Variants in ASAP1 observed in about 807,000 individuals in gnomAD.
The protein encoded by ASAP1 is ArfGAP with SH3 domain, ankyrin repeat and PH domain 1.
Under a neutral mutation model 145.2 loss-of-function variants are expected in ASAP1, and 43 were observed. That is an observed-to-expected ratio of 0.30 (90% CI 0.23 to 0.38). The LOEUF (loss-of-function observed/expected upper bound fraction) is 0.38, where lower values mean the gene tolerates loss of function less well. ASAP1 is among the 10% of genes least tolerant of loss of function. The probability of loss-of-function intolerance (pLI) is 1.00; values close to 1 mark genes in which losing one functional copy is unlikely to be tolerated. For missense variants in ASAP1, 1,018 were observed against 1,355.3 expected (o/e 0.75, Z 3.91); for synonymous variants, 546 against 515.5 (o/e 1.06, Z -0.80).
chr8:130,074,699 T>C (rs145295041), intron 27 of ASAP1, among the ~76,000 whole-genome samples: 7 of 152,210 alleles, frequency 4.6e-5, no homozygotes, highest in Non-Finnish European at 8.8e-5. Context: ...CAGGTGGTAG[T>C]AGGGGTGGAC....
chr8:130,160,240 T>G (rs558072982), intron 11 of ASAP1, among the ~76,000 whole-genome samples: 2 of 152,096 alleles, frequency 1.3e-5, no homozygotes, highest in Non-Finnish European at 2.9e-5. Context: ...ACAAGCACAA[T>G]GCACTGGTAG....
chr8:130,154,391 G>A (rs1174145785), intron 12 of ASAP1, among the ~76,000 whole-genome samples: 2 of 152,172 alleles, frequency 1.3e-5, no homozygotes, highest in Non-Finnish European at 2.9e-5. Context: ...TGAAGCTCCA[G>A]GCACAGACGA....
chr8:130,059,771 GA>G (rs1214850816), intron 28 of ASAP1, among the ~76,000 whole-genome samples: 3 of 152,072 alleles, frequency 2.0e-5, no homozygotes, highest in Non-Finnish European at 4.4e-5. Context: ...GATGCAGCGA[GA>G]AAGTCTGACT....
chr8:130,323,680 CT>C (rs1824151899), intron 3 of ASAP1, among the ~76,000 whole-genome samples: 1 of 152,164 alleles, frequency 6.6e-6, no homozygotes, highest in Non-Finnish European at 1.5e-5. Flanking sequence ...TCCCATAGTC[CT>C]TTGCAGACAT....
At chr8:130,152,433 T>A (rs1002690754) in intron 13 of ASAP1, among the ~76,000 whole-genome samples, 1 of 152,260 alleles carries the variant, frequency 6.6e-6, no homozygotes, top group Non-Finnish European at 1.5e-5. Flanking sequence ...CAGCCTGTCA[T>A]CTCTATAATT....
chr8:130,394,690 T>G (rs910464662), intron 2 of ASAP1, among the ~76,000 whole-genome samples: 3 of 152,162 alleles, frequency 2.0e-5, no homozygotes, highest in African/African-American at 7.2e-5. Context: ...ACATGTGATG[T>G]CTCCCCAGGA....
chr8:130,386,496 A>C (rs1332905755), intron 2 of ASAP1, among the ~76,000 whole-genome samples: 2 of 152,220 alleles, frequency 1.3e-5, no homozygotes, highest in Non-Finnish European at 2.9e-5. Context: ...CTCAGCCCAC[A>C]GGGCTGTCGA....
At chr8:130,393,599 T>C (rs868474558) in intron 2 of ASAP1, among the ~76,000 whole-genome samples, 1 of 151,960 alleles carries the variant, frequency 6.6e-6, no homozygotes, top group African/African-American at 2.4e-5. Flanking sequence ...CCACTAAAAA[T>C]ACAAAAATTA....
At chr8:130,329,255 G>T (rs1431833065) in intron 3 of ASAP1, among the ~76,000 whole-genome samples, 1 of 152,170 alleles carries the variant, frequency 6.6e-6, no homozygotes, top group Non-Finnish European at 1.5e-5. Flanking sequence ...TTCCATCCTG[G>T]TCTCTGTTGC....
chr8:130,276,728 A>ACACACACTCTCTCTCTCT lies in ASAP1; in HGVS notation c.187-39735_187-39734insAGAGAGAGAGAGTGTGTG, dbSNP rs548512902. On this transcript the variant is annotated intron_variant, in intron 3 of 29. Coordinates refer to ENST00000518721, the MANE Select transcript of ASAP1 (RefSeq NM_018482.4). ...CACACACACACACACACACACACAC[A>ACACACACTCTCTCTCTCT]CTCTCTCTCTCTCTCTCTCTCTCTC... is the stretch of plus-strand genomic sequence containing the variant. Among the ~76,000 whole-genome samples, 307 of 87,256 alleles carry ACACACACTCTCTCTCTCT rather than the reference A, an allele frequency of 3.5e-3. 5 individuals carry two copies. Among genetic ancestry groups the ACACACACTCTCTCTCTCT allele is most frequent in the East Asian group, 0.014 (28 of 2,022 alleles). 57.2% of individuals were successfully genotyped at this position (87,256 alleles called of 152,430 possible). A position where few individuals can be genotyped will look rare whatever the true frequency, so the allele number is the denominator to read the frequency against.
chr8:130,363,111 T>C (rs374883028), intron 2 of ASAP1, among the ~76,000 whole-genome samples: 2 of 152,360 alleles, frequency 1.3e-5, no homozygotes, highest in East Asian at 1.9e-4. Context: ...CCTATCTCAG[T>C]GTTCTGAGAA....
At chr8:130,322,720 T>C (rs1321735714) in intron 3 of ASAP1, among the ~76,000 whole-genome samples, 1 of 152,160 alleles carries the variant, frequency 6.6e-6, no homozygotes, top group Non-Finnish European at 1.5e-5. Flanking sequence ...GTGAAGCATG[T>C]ATAGAACACA....
intron 7 of ASAP1, among the ~76,000 whole-genome samples, chr8:130,182,921 G>A (rs1319261952): frequency 1.3e-5 from 2 of 150,552 alleles, no homozygotes; most frequent in African/African-American, 4.9e-5. Context: ...TGAAACAGTG[G>A]GGAAAAAACA....
intron 3 of ASAP1, among the ~76,000 whole-genome samples, chr8:130,337,273 T>C (rs1037923752): frequency 4.6e-5 from 7 of 152,230 alleles, no homozygotes; most frequent in Non-Finnish European, 8.8e-5. Flanking sequence ...TTAACTCCAA[T>C]TGAGTGGTGC....
At chr8:130,315,771 A>G (rs1163937433) in intron 3 of ASAP1, among the ~76,000 whole-genome samples, 15 of 152,210 alleles carry the variant, frequency 9.9e-5, no homozygotes. Flanking sequence ...TGGAAAATGC[A>G]AAAGAAAAAA....
chr8:130,217,486 T>C (rs1485299628), intron 4 of ASAP1, among the ~76,000 whole-genome samples: 3 of 151,862 alleles, frequency 2.0e-5, no homozygotes, highest in African/African-American at 7.3e-5. Context: ...TATACACACG[T>C]ATATATGTAT....
intron 11 of ASAP1, 102 bp from the exon 12 acceptor site, chr8:130,160,066 G>T: frequency 1.0e-6 from 1 of 971,614 alleles, no homozygotes; most frequent in Non-Finnish European, 1.6e-6. Context: ...GGGTCTAAGG[G>T]AATTATGGAA....
chr8:130,092,138 T>A lies in ASAP1; in HGVS notation c.2407A>T (p.Thr803Ser). The change falls in exon 25 of 30, where the codon ACT becomes TCT. Residue 803 changes from threonine (T) to serine (S), a missense_variant. Thr to Ser is a moderately conservative substitution (Grantham distance 58). Around this residue, in one of 9 missense-constraint regions of ASAP1, gnomAD observed 353 missense variants for 375.4 expected, o/e 0.94. Transcript: ENST00000518721. ...LPPRNAGKGP[T>S]GPPSTLPLST... is the part of the protein sequence containing the mutation. ...AGAGGGAGTGTTGAAGGTGGGCCAG[T>A]TGGACCTAGAAAGGAAATTGAATGG... 1 of 1,564,602 alleles carries A rather than the reference T, an allele frequency of 6.4e-7. No individual in the cohort carries two copies. The highest frequency in any genetic ancestry group is 1.2e-5 in the South Asian group (1 of 84,260).
At chr8:130,321,849 C>G (rs1484410136) in intron 3 of ASAP1, among the ~76,000 whole-genome samples, 2 of 152,172 alleles carry the variant, frequency 1.3e-5, no homozygotes, top group Admixed American at 1.3e-4. Flanking sequence ...AGATTCAAGG[C>G]TCTTAATAAT....
Sources: gnomAD v4.1 joint callset for allele counts (sites outside exome capture counted in the v4.1 genomes callset) on GRCh38, gnomAD v4.1.1 for gene constraint, gnomAD v4.1.1 regional missense constraint, MANE v1.5 for transcripts, NCBI Gene and HGNC (gene_info 2026-07-23, HGNC 2026-07-21) for gene names.